RIMS2: variants seen among roughly 807,000 people sequenced by gnomAD.
RIMS2 encodes the protein regulating synaptic membrane exocytosis protein 2.
RIMS2 carries 59 observed loss-of-function variants against 174.4 expected under a neutral mutation model. That is an observed-to-expected ratio of 0.34 (90% CI 0.27 to 0.42). RIMS2 has a LOEUF of 0.42. Among genes scored for constraint, RIMS2 ranks in the 10% least tolerant of loss-of-function variants. The probability of loss-of-function intolerance (pLI) is 1.00; values close to 1 mark genes in which losing one functional copy is unlikely to be tolerated. For synonymous variants in RIMS2, 606 were observed against 572.5 expected, an observed-to-expected ratio of 1.06 and a Z score of -0.84; for missense variants, 1,620 against 1,666.3, an observed-to-expected ratio of 0.97 and a Z score of 0.48.
chr8:103,931,383 C>A, exon 12 of RIMS2: 2 of 1,593,132 alleles, frequency 1.3e-6, no homozygotes, highest in Non-Finnish European at 1.7e-6. Flanking sequence ...TTACTTTCTT[C>A]CAGACAGAAG....
At chr8:104,060,783 T>C (rs929395069) in intron 19 of RIMS2, among the ~76,000 whole-genome samples, 6 of 152,212 alleles carry the variant, frequency 3.9e-5, no homozygotes, top group East Asian at 1.9e-4. Context: ...TTGTTCTCGC[T>C]GGTTTCAAAG....
chr8:103,944,446 A>C (rs2154540077), intron 14 of RIMS2, among the ~76,000 whole-genome samples: 1 of 152,192 alleles, frequency 6.6e-6, no homozygotes, highest in South Asian at 2.1e-4. Context: ...TAGGCTGCTA[A>C]CACTTGCCAG....
At chr8:103,985,195 G>A (rs936453049) in intron 16 of RIMS2, among the ~76,000 whole-genome samples, 7 of 151,882 alleles carry the variant, frequency 4.6e-5, no homozygotes, top group Admixed American at 1.3e-4. Context: ...TATAATCGGG[G>A]CCAGGCACGG....
intron 1 of RIMS2, among the ~76,000 whole-genome samples, chr8:103,648,646 G>A (rs1346824063): frequency 6.6e-6 from 1 of 152,142 alleles, no homozygotes; most frequent in Non-Finnish European, 1.5e-5. Context: ...TATATATTTA[G>A]GAGAATTAGC....
At chr8:103,825,836 C>G (rs2098786940) in intron 3 of RIMS2, among the ~76,000 whole-genome samples, 1 of 152,012 alleles carries the variant, frequency 6.6e-6, no homozygotes, top group Non-Finnish European at 1.5e-5. Flanking sequence ...TGATACTTAT[C>G]TACAGTTTTT....
At chr8:104,252,349 A>T (rs894307220), downstream of RIMS2, 4 of 159,300 alleles carry the variant, frequency 2.5e-5, no homozygotes, top group Non-Finnish European at 5.6e-5. Context: ...TCAGTCCAGC[A>T]GGAAGAGTGG....
chr8:103,531,498 C>T lies in RIMS2; in HGVS notation c.176+30436C>T, dbSNP rs781542582. Among the ~76,000 whole-genome samples, 86 of 152,290 alleles carry T rather than the reference C, an allele frequency of 5.6e-4. 1 individual carries two copies. Among genetic ancestry groups the T allele is most frequent in the Admixed American group, 1.8e-3 (27 of 15,296 alleles). ...CACCTGGAGTTGCTGGGAGGTGTTACACCTGGAGAGGGCATGGGAGCTCTG... is the reference window on the plus strand; with the variant it reads ...CACCTGGAGTTGCTGGGAGGTGTTATACCTGGAGAGGGCATGGGAGCTCTG... On this transcript the variant is annotated intron_variant, in intron 1 of 23. Coordinates refer to ENST00000504942, the Ensembl canonical transcript of RIMS2.
intron 1 of RIMS2, among the ~76,000 whole-genome samples, chr8:103,562,696 T>C (rs146742422): frequency 6.6e-6 from 1 of 152,282 alleles, no homozygotes; most frequent in African/African-American, 2.4e-5. Flanking sequence ...GGTGCCTCAA[T>C]AGGGACACTG....
intron 20 of RIMS2, 134 bp from the exon 27 acceptor site, chr8:104,248,567 T>A (rs1437598847): frequency 6.4e-6 from 4 of 626,558 alleles, no homozygotes; most frequent in Non-Finnish European, 1.2e-5. Flanking sequence ...GAACTGGGTA[T>A]TTGGATCCAG....
At chr8:104,201,295 G>T (rs2137019751) in intron 19 of RIMS2, among the ~76,000 whole-genome samples, 1 of 152,232 alleles carries the variant, frequency 6.6e-6, no homozygotes, top group Middle Eastern at 3.4e-3. Flanking sequence ...ATTTTTAATT[G>T]CTGCATAGAA....
chr8:103,961,650 G>T (rs912900674), intron 15 of RIMS2, among the ~76,000 whole-genome samples: 1 of 152,010 alleles, frequency 6.6e-6, no homozygotes, highest in African/African-American at 2.4e-5. Flanking sequence ...AATATTTTAG[G>T]TAAGTATATA....
intron 3 of RIMS2, chr8:103,819,528 C>T: frequency 1.2e-6 from 2 of 1,612,408 alleles, no homozygotes; most frequent in Non-Finnish European, 1.7e-6. Flanking sequence ...AGACATTGCG[C>T]CAGGTCTGCA....
intron 1 of RIMS2, among the ~76,000 whole-genome samples, chr8:103,596,354 A>G (rs927476479): frequency 6.6e-6 from 1 of 152,068 alleles, no homozygotes; most frequent in Non-Finnish European, 1.5e-5. Flanking sequence ...GACAGCAAAT[A>G]CTCAAATACT....
At chr8:103,528,727 C>T (rs1399184320) in intron 1 of RIMS2, among the ~76,000 whole-genome samples, 1 of 151,954 alleles carries the variant, frequency 6.6e-6, no homozygotes, top group Non-Finnish European at 1.5e-5. Flanking sequence ...TTTCTGAGGG[C>T]TCTGTTCTGT....
At chr8:103,924,978 C>A (rs1425821327) in intron 10 of RIMS2, among the ~76,000 whole-genome samples, 1 of 151,702 alleles carries the variant, frequency 6.6e-6, no homozygotes, top group Non-Finnish European at 1.5e-5. Context: ...TCACTGACAG[C>A]ACTCCCTTAT....
At chr8:104,066,388 CTA>C (rs1156275351) in intron 19 of RIMS2, among the ~76,000 whole-genome samples, 1 of 127,232 alleles carries the variant, frequency 7.9e-6, no homozygotes, top group Non-Finnish European at 1.8e-5. Context: ...ATATTTATAT[CTA>C]TATATGTGTG....
At chr8:103,964,392 T>G (rs1466558888) in intron 15 of RIMS2, among the ~76,000 whole-genome samples, 1 of 152,194 alleles carries the variant, frequency 6.6e-6, no homozygotes, top group Non-Finnish European at 1.5e-5. Context: ...GTTGTTTTTA[T>G]TTGCATTTCC....
At chr8:103,684,047 G>A (rs1380244773) in intron 1 of RIMS2, among the ~76,000 whole-genome samples, 4 of 152,268 alleles carry the variant, frequency 2.6e-5, no homozygotes, top group Admixed American at 6.5e-5. Context: ...TTAGCACTTC[G>A]AAATCTAACT....
downstream of RIMS2, chr8:104,252,084 G>A: frequency 2.1e-6 from 1 of 479,000 alleles, no homozygotes; most frequent in South Asian, 3.7e-5. Flanking sequence ...CTGAAGCCAT[G>A]GATTAATCTC....
Sources: allele counts gnomAD v4.1 joint callset (sites outside exome capture counted in the v4.1 genomes callset), GRCh38; gene constraint gnomAD v4.1.1; transcripts MANE v1.5; gene names NCBI Gene and HGNC (gene_info 2026-07-23, HGNC 2026-07-21).